Variants in EYS observed in about 807,000 individuals in gnomAD.
EYS encodes the protein EGF-like photoreceptor maintenance factor.
A neutral mutation model predicts 282.1 loss-of-function variants in EYS; 250 were observed. The ratio of observed to expected loss-of-function variants is 0.89; its 90% CI spans 0.80 to 0.98. EYS has a LOEUF of 0.98. EYS is among the 50% of genes least tolerant of loss of function. The pLI is 0.00. For missense variants in EYS, 4,016 were observed against 3,709.0 expected, an observed-to-expected ratio of 1.08 and a Z score of -2.15; for synonymous variants, 1,355 against 1,282.9, an observed-to-expected ratio of 1.06 and a Z score of -1.20.
chr6:64,643,986 A>G (rs1359817055), intron 22 of EYS, among the ~76,000 whole-genome samples: 1 of 152,210 alleles, frequency 6.6e-6, no homozygotes, highest in Admixed American at 6.5e-5. Context: ...TTTAATCCAA[A>G]AAGCTAGTTA....
intron 16 of EYS, among the ~76,000 whole-genome samples, chr6:64,902,817 T>G (rs554724154): frequency 6.6e-6 from 1 of 152,242 alleles, no homozygotes; most frequent in African/African-American, 2.4e-5. Flanking sequence ...ATTGAAATGA[T>G]CTGGAAAGCA....
At chr6:64,047,778 A>T (rs1228752999) in intron 33 of EYS, among the ~76,000 whole-genome samples, 4 of 152,200 alleles carry the variant, frequency 2.6e-5, no homozygotes. Context: ...TGGACAAACT[A>T]CGTGTCCCTA....
intron 13 of EYS, among the ~76,000 whole-genome samples, chr6:65,011,799 A>G (rs1771879348): frequency 6.6e-6 from 1 of 152,196 alleles, no homozygotes; most frequent in Admixed American, 6.5e-5. Flanking sequence ...TAATTAGGCA[A>G]CAACAGGAGG....
At chr6:64,297,100 A>T (rs958807783) in intron 30 of EYS, among the ~76,000 whole-genome samples, 1 of 152,132 alleles carries the variant, frequency 6.6e-6, no homozygotes, top group Non-Finnish European at 1.5e-5. Flanking sequence ...TAGTCTGCAC[A>T]CAGCTTGTGA....
At chr6:64,784,546 A>G (rs186884406) in intron 22 of EYS, among the ~76,000 whole-genome samples, 45 of 152,226 alleles carry the variant, frequency 3.0e-4, no homozygotes, top group African/African-American at 1.1e-3. Flanking sequence ...ACTCATTGTT[A>G]TGTCCTCTGA....
At chr6:63,828,490 C>T (rs1771534889) in intron 36 of EYS, among the ~76,000 whole-genome samples, 1 of 152,106 alleles carries the variant, frequency 6.6e-6, no homozygotes, top group African/African-American at 2.4e-5. Flanking sequence ...AAATACAACC[C>T]TTCCAGCACA....
chr6:64,470,543 G>C (rs1776092143), intron 26 of EYS, among the ~76,000 whole-genome samples: 1 of 151,390 alleles, frequency 6.6e-6, no homozygotes. Flanking sequence ...TACACTGGAA[G>C]AAGAAGAATT....
At position 64,116,196 on chromosome 6, in the gene EYS, G is replaced by T. The variant is rs142150102; in HGVS notation, c.6425-34194C>A. Among the ~76,000 whole-genome samples the T allele has an allele frequency of 4.2e-3, 633 of 152,106 alleles. 3 individuals carry two copies. Among genetic ancestry groups the T allele is most frequent in the African/African-American group, 0.014 (601 of 41,520 alleles). ...TTGACTTCTGTGGACCTGAAGACAGGTCATTTGAAGACGTCCAAAAGTCTC... is the reference window on the plus strand; with the variant it reads ...TTGACTTCTGTGGACCTGAAGACAGTTCATTTGAAGACGTCCAAAAGTCTC... On this transcript the variant is annotated intron_variant, in intron 31 of 42. Transcript: ENST00000503581.
chr6:64,632,250 T>A (rs1238168695), intron 22 of EYS, among the ~76,000 whole-genome samples: 5 of 152,000 alleles, frequency 3.3e-5, no homozygotes, highest in Non-Finnish European at 5.9e-5. Context: ...CCGTGATTTA[T>A]CTTCTTTTTT....
chr6:65,511,570 G>A (rs1323181069), intron 2 of EYS, among the ~76,000 whole-genome samples: 1 of 151,958 alleles, frequency 6.6e-6, no homozygotes, highest in Non-Finnish European at 1.5e-5. Flanking sequence ...ACCTAGATTA[G>A]GTAAATTTTT....
intron 2 of EYS, among the ~76,000 whole-genome samples, chr6:65,515,581 C>T (rs1767094679): frequency 3.9e-5 from 6 of 151,902 alleles, no homozygotes; most frequent in Admixed American, 3.9e-4. Context: ...GAAAATGTGA[C>T]ACATATACAC....
intron 31 of EYS, among the ~76,000 whole-genome samples, chr6:64,208,992 C>A (rs1765687922): frequency 6.6e-6 from 1 of 151,936 alleles, no homozygotes; most frequent in African/African-American, 2.4e-5. Flanking sequence ...TAATTTTTTT[C>A]TACTATGTTA....
At chr6:64,301,990 A>T (rs1769255170) in intron 30 of EYS, among the ~76,000 whole-genome samples, 1 of 152,226 alleles carries the variant, frequency 6.6e-6, no homozygotes, top group African/African-American at 2.4e-5. Flanking sequence ...TATTTACTGC[A>T]GAACCTTGAG....
chr6:64,059,281 C>T (rs1157206971), intron 33 of EYS, among the ~76,000 whole-genome samples: 2 of 152,128 alleles, frequency 1.3e-5, no homozygotes, highest in African/African-American at 4.8e-5. Flanking sequence ...TCTGTCATCT[C>T]ATCTTGGCAT....
intron 12 of EYS, among the ~76,000 whole-genome samples, chr6:65,144,317 G>A (rs1446129514): frequency 2.0e-5 from 3 of 152,090 alleles, no homozygotes; most frequent in Admixed American, 6.6e-5. Context: ...TTAGTCTCAA[G>A]TAAAGAGTAC....
intron 31 of EYS, among the ~76,000 whole-genome samples, chr6:64,201,264 G>C (rs914284543): frequency 6.6e-6 from 1 of 151,848 alleles, no homozygotes; most frequent in African/African-American, 2.4e-5. Flanking sequence ...AGTATAATTA[G>C]AAACACTTCC....
chr6:64,433,509 A>T (rs1774638985), intron 28 of EYS, among the ~76,000 whole-genome samples: 1 of 151,992 alleles, frequency 6.6e-6, no homozygotes, highest in Admixed American at 6.6e-5. Flanking sequence ...ATTTCTATAA[A>T]TTTTTTATTA....
intron 33 of EYS, among the ~76,000 whole-genome samples, chr6:64,000,170 T>TTCAG (rs1562142274): frequency 4.1e-5 from 1 of 24,624 alleles, no homozygotes; most frequent in African/African-American, 3.4e-4. Context: ...ACATGGGACT[T>TTCAG]TTTTTTTTTT....
intron 31 of EYS, among the ~76,000 whole-genome samples, chr6:64,156,891 AATTT>A (rs1410714919): frequency 5.4e-5 from 8 of 149,062 alleles, no homozygotes; most frequent in Middle Eastern, 3.4e-3. Flanking sequence ...ATTTTTAATT[AATTT>A]ATTTTTTTAT....
Sources: allele counts gnomAD v4.1 joint callset (sites outside exome capture counted in the v4.1 genomes callset), GRCh38; gene constraint gnomAD v4.1.1; transcripts MANE v1.5; gene names NCBI Gene and HGNC (gene_info 2026-07-23, HGNC 2026-07-21).